The following ZNF584 variants were observed in gnomAD, a reference collection of about 807,000 sequenced individuals.
ZNF584 encodes the protein zinc finger protein 584.
Under a neutral mutation model 14.7 loss-of-function variants are expected in ZNF584, and 12 were observed. The ratio of observed to expected loss-of-function variants is 0.82; its 90% CI spans 0.52 to 1.32. ZNF584 has a LOEUF of 1.32. ZNF584 is among the 40% of genes most tolerant of loss of function. The pLI is 0.00. For synonymous variants in ZNF584, 204 were observed against 190.9 expected (o/e 1.07, Z -0.57); for missense variants, 478 against 518.8 (o/e 0.92, Z 0.76).
At chr19:58,406,581 G>T (rs2052475733), upstream of ZNF584, 2 of 152,238 alleles carry the variant, frequency 1.3e-5, no homozygotes, top group African/African-American at 2.4e-5. Flanking sequence ...GACACCAGGG[G>T]TATAACTCAG....
chr19:58,411,151 G>C (rs2052565269), intron 2 of ZNF584, among the ~76,000 whole-genome samples: 2 of 152,002 alleles, frequency 1.3e-5, no homozygotes, highest in Non-Finnish European at 2.9e-5. Flanking sequence ...GTTAAGTATG[G>C]TGTTAGCTGT....
At chr19:58,404,027 GAACT>G (rs746436949), upstream of ZNF584, among the ~76,000 whole-genome samples, 57 of 150,770 alleles carry the variant, frequency 3.8e-4, no homozygotes, top group East Asian at 9.7e-4. Context: ...AAACATAAAT[GAACT>G]AACTATTAAG....
At position 58,417,632 on chromosome 19, in the gene ZNF584, C is replaced by T. The variant is rs1289446067; in HGVS notation, c.1114C>T (p.His372Tyr). The T allele has an allele frequency of 6.2e-7, 1 of 1,614,178 alleles. No homozygotes were observed. Among genetic ancestry groups the T allele is most frequent in the Non-Finnish European group, 8.5e-7 (1 of 1,180,038 alleles). The part of the protein sequence containing the change: ...TFTTRSYRNR[H>Y]QQFHTEERSY... ...CACTACCAGATCCTACCGCAATCGG[C>T]ACCAGCAGTTCCACACTGAAGAGAG... Residue 372 changes from histidine (H) to tyrosine (Y), a missense_variant, in exon 4 of 4, where the codon CAC becomes TAC. By Grantham distance (83) the His-to-Tyr change is moderately conservative (BLOSUM62 2). Around this residue, in one of 3 missense-constraint regions of ZNF584, gnomAD observed 283 missense variants for 317.3 expected, o/e 0.89. Coordinates refer to ENST00000306910, the MANE Select transcript of ZNF584 (RefSeq NM_173548.3).
intron 2 of ZNF584, among the ~76,000 whole-genome samples, chr19:58,412,233 C>T (rs1364681160): frequency 2.2e-4 from 25 of 112,640 alleles, no homozygotes; most frequent in Admixed American, 1.6e-3. Context: ...GACGGAGTCT[C>T]GCTCTGTCGC....
intron 1 of ZNF584, among the ~76,000 whole-genome samples, chr19:58,401,922 A>G (rs1479416312): frequency 1.2e-5 from 1 of 83,124 alleles, no homozygotes; most frequent in Non-Finnish European, 2.1e-5. Flanking sequence ...TTTTTTTTTT[A>G]GCCGGACGTG....
chr19:58,418,027 GGTCCCTACAGCAA>G lies in ZNF584; in HGVS notation c.*246_*258del, dbSNP rs1351577687. The G allele has an allele frequency of 3.8e-6, 2 of 530,994 alleles. No individual in the cohort carries two copies. Among genetic ancestry groups the G allele is most frequent in the Admixed American group, 6.9e-5 (2 of 29,030 alleles). The allele number at this position is 530,994 out of a possible 1,614,324, so 32.9% of individuals were successfully genotyped here. On this transcript the variant is annotated 3_prime_UTR_variant, in exon 4 of 4. Transcript: ENST00000306910. Reference sequence around the variant, plus strand: ...CCATCCACCTCTATCCACCCCATAAGGTCCCTACAGCAAGTGGGACAGCAGACCTTGTGCTCCT... The same window carrying G: ...CCATCCACCTCTATCCACCCCATAAGGTGGGACAGCAGACCTTGTGCTCCT...
At chr19:58,415,827 T>A in intron 3 of ZNF584, 181 bp downstream of exon 3, 1 of 1,602,536 alleles carries the variant, frequency 6.2e-7, no homozygotes, top group South Asian at 1.1e-5. Context: ...AGGCCCCGCA[T>A]GTTCCTGCCT....
Position 58,415,634 on chromosome 19 carries a change from G to A in ZNF584, c.280G>A (p.Gly94Ser), listed in dbSNP as rs1211089500. The A allele has an allele frequency of 1.9e-6, 3 of 1,613,980 alleles. No individual in the cohort carries two copies. Among genetic ancestry groups the A allele is most frequent in the Admixed American group, 3.3e-5 (2 of 60,004 alleles). ...AGTCAGCAGAGCAGAAGCCAGGAGA[G>A]GTTTTGGTCTTGGTAAGTGGAGTGG... is the stretch of plus-strand genomic sequence containing the variant. ...TPVSRAEARR[G>S]FGLDGLCRVE... The change falls in exon 3 of 4, where the codon GGT becomes AGT. Residue 94 changes from glycine (G) to serine (S), a missense_variant. By Grantham distance (56) the Gly-to-Ser change is moderately conservative. Coordinates refer to ENST00000306910, the MANE Select transcript of ZNF584 (RefSeq NM_173548.3).
At chr19:58,411,401 C>G (rs970622815) in intron 2 of ZNF584, among the ~76,000 whole-genome samples, 1 of 151,730 alleles carries the variant, frequency 6.6e-6, no homozygotes. Flanking sequence ...TGGCACATGC[C>G]TGTAATCCCA....
chr19:58,404,442 AG>A (rs1284115408), upstream of ZNF584: 1 of 155,186 alleles, frequency 6.4e-6, no homozygotes, highest in African/African-American at 2.5e-5. Context: ...ACTCTTAAGG[AG>A]CATGCTGCCT....
At chr19:58,410,677 ATATATATG>A (rs1158576101) in intron 2 of ZNF584, among the ~76,000 whole-genome samples, 2 of 51,698 alleles carry the variant, frequency 3.9e-5, no homozygotes, top group Middle Eastern at 5.4e-3. Context: ...ATATATGTGT[ATATATATG>A]TATATATGTA....
intron 2 of ZNF584, among the ~76,000 whole-genome samples, chr19:58,413,401 A>G (rs2052600292): frequency 6.6e-6 from 1 of 151,550 alleles, no homozygotes; most frequent in African/African-American, 2.4e-5. Context: ...GCTGGAATGC[A>G]ATGGTGCGAT....
chr19:58,415,582 G>C lies in ZNF584; in HGVS notation c.228G>C (p.Trp76Cys). 6.2e-7 allele frequency: 1 copy of C among 1,614,130 alleles called. No homozygotes were observed. The highest frequency in any genetic ancestry group is 8.5e-7 in the Non-Finnish European group (1 of 1,180,012). The part of the protein sequence containing the change: ...FTQLEDDEQS[W>C]VPSWVDVTPV... ...AGCTGGAGGATGATGAACAGTCGTG[G>C]GTGCCCAGCTGGGTGGATGTGACTC... Residue 76 changes from tryptophan to cysteine, a missense_variant, in exon 3 of 4, where the codon TGG becomes TGC. By Grantham distance (215) the Trp-to-Cys change is radical. This residue lies in a region of ZNF584 where 189 missense variants were observed against 177.9 expected (regional missense o/e 1.06). Coordinates refer to ENST00000306910, the MANE Select transcript of ZNF584 (RefSeq NM_173548.3).
Position 58,416,942 on chromosome 19 carries a change from C to T in ZNF584, c.424C>T (p.Pro142Ser), listed in dbSNP as rs11668789. Residue 142 changes from proline to serine, a missense_variant, in exon 4 of 4, where the codon CCT becomes TCT. Transcript: ENST00000306910. ...RHTEHGAAFP[P>S]GSSCGQQQEV... ...CACTGAGCATGGGGCAGCTTTCCCA[C>T]CTGGTTCCAGTTGTGGGCAACAGCA... 0.2 allele frequency: 325,810 copies of T among 1,609,256 alleles called. 34,627 individuals are homozygous for T. The highest frequency in any genetic ancestry group is 0.22 in the Non-Finnish European group (255,514 of 1,177,496).
chr19:58,416,843 C>A lies in ZNF584; in HGVS notation c.325C>A (p.His109Asn). The stretch of plus-strand genomic sequence containing the variant: ...GTGTAGAGTGGAGGATGAGAGAGCC[C>A]ATCCTGAGCATCTAAAGAGCTACAG... ...GLCRVEDERA[H>N]PEHLKSYRVI... Residue 109 changes from histidine to asparagine, a missense_variant, in exon 4 of 4, where the codon CAT (histidine) becomes AAT (asparagine). Physicochemically the swap from His to Asn is moderately conservative, Grantham distance 68. This residue lies in a region of ZNF584 where 189 missense variants were observed against 177.9 expected (regional missense o/e 1.06). Transcript: ENST00000306910. 1 of 1,571,398 alleles carries A rather than the reference C, an allele frequency of 6.4e-7. No homozygotes were observed. The highest frequency in any genetic ancestry group is 8.6e-7 in the Non-Finnish European group (1 of 1,160,480).
chr19:58,417,039 T>G lies in ZNF584; in HGVS notation c.521T>G (p.Leu174Arg). The change falls in exon 4 of 4, where the codon CTC (leucine) becomes CGC (arginine). Residue 174 changes from leucine to arginine, a missense_variant. This residue lies in a region of ZNF584 where 283 missense variants were observed against 317.3 expected (regional missense o/e 0.89). Transcript: ENST00000306910. The part of the protein sequence containing the change: ...CGKVFLKAFA[L>R]LDHLITHSEE... ...AAGGTGTTCTTAAAGGCCTTTGCCC[T>G]CCTTGACCATCTGATAACGCATTCT... 6.2e-7 allele frequency: 1 copy of G among 1,611,950 alleles called. No homozygotes were observed. The highest frequency in any genetic ancestry group is 8.5e-7 in the Non-Finnish European group (1 of 1,178,558).
intron 2 of ZNF584, among the ~76,000 whole-genome samples, chr19:58,412,189 C>T (rs2052583060): frequency 7.3e-6 from 1 of 136,950 alleles, no homozygotes; most frequent in Admixed American, 7.2e-5. Flanking sequence ...ACCATGTTGG[C>T]CAGGGTGGTC....
chr19:58,404,010 C>A (rs2052447590), upstream of ZNF584, among the ~76,000 whole-genome samples: 1 of 150,592 alleles, frequency 6.6e-6, no homozygotes, highest in Non-Finnish European at 1.5e-5. Context: ...TGAAGTAGTG[C>A]CAGGAAAAAC....
rs869150389 is a variant in ZNF584, at chr19:58,410,778, A to AT, written c.169+718dup. Among the ~76,000 whole-genome samples the AT allele has an allele frequency of 5.8e-3, 52 of 8,930 alleles. 13 individuals are homozygous for AT. The highest frequency in any genetic ancestry group is 0.019 in the South Asian group (4 of 208). The allele number at this position is 8,930 out of a possible 152,430, so 5.9% of individuals were successfully genotyped here. A position where few individuals can be genotyped will look rare whatever the true frequency, so the allele number is the denominator to read the frequency against. On this transcript the variant is annotated intron_variant, in intron 2 of 3. Coordinates refer to ENST00000306910, the MANE Select transcript of ZNF584 (RefSeq NM_173548.3). ...ATATATATATGTATATATATATATAATTTTTTTTTTTTTTTTTTTTTTTTT... is the reference window on the plus strand; with the variant it reads ...ATATATATATGTATATATATATATAATTTTTTTTTTTTTTTTTTTTTTTTTT...
Sources: allele counts gnomAD v4.1 joint callset (sites outside exome capture counted in the v4.1 genomes callset), GRCh38; gene constraint gnomAD v4.1.1; regional missense constraint gnomAD v4.1.1; transcripts MANE v1.5; gene names NCBI Gene and HGNC (gene_info 2026-07-23, HGNC 2026-07-21).